CCNJL: variants seen among roughly 807,000 people sequenced by gnomAD.
The protein encoded by CCNJL is cyclin-J-like protein.
A neutral mutation model predicts 33.4 loss-of-function variants in CCNJL; 33 were observed. The ratio of observed to expected loss-of-function variants is 0.99; its 90% CI spans 0.75 to 1.32. The LOEUF (loss-of-function observed/expected upper bound fraction) is 1.32, where lower values mean the gene tolerates loss of function less well. CCNJL is among the 40% of genes most tolerant of loss of function. The pLI is 0.00. For synonymous variants in CCNJL, 227 were observed against 220.9 expected (o/e 1.03, Z -0.24); for missense variants, 512 against 499.7 (o/e 1.02, Z -0.23).
chr5:160,295,867 G>A (rs1862437), intron 2 of CCNJL, among the ~76,000 whole-genome samples: 22,587 of 152,152 alleles, frequency 0.15, 1,784 homozygotes, highest in African/African-American at 0.2. Flanking sequence ...TTTGTGGCAC[G>A]TTGTCACAGT....
chr5:160,320,351 A>T (rs1403370225), intron 1 of CCNJL, among the ~76,000 whole-genome samples: 1 of 151,892 alleles, frequency 6.6e-6, no homozygotes, highest in Non-Finnish European at 1.5e-5. Context: ...CTGTGAAAGG[A>T]GGGGGTGGGA....
At chr5:160,275,539 C>T (rs2113326919) in intron 3 of CCNJL, among the ~76,000 whole-genome samples, 1 of 152,142 alleles carries the variant, frequency 6.6e-6, no homozygotes, top group African/African-American at 2.4e-5. Context: ...GGCTGGAGTG[C>T]AGTGTCAAGA....
intron 2 of CCNJL, among the ~76,000 whole-genome samples, chr5:160,308,260 T>C (rs1183109796): frequency 6.6e-6 from 1 of 152,198 alleles, no homozygotes. Flanking sequence ...GTTATCTCAC[T>C]TAATCTTAAC....
Position 160,324,627 on chromosome 5 carries a change from G to GTCTGTCTATCTATCTATCTATCTA in CCNJL, n.207-9123_207-9122insTAGATAGATAGATAGATAGACAGA, listed in dbSNP as rs140137170. ...CAAAAACACACACAAAAAACTGTCT[G>GTCTGTCTATCTATCTATCTATCTA]TCTATCTATCTATCTATAATAAATA... On this transcript the variant is annotated intron_variant and non_coding_transcript_variant, in intron 1 of 7. Coordinates refer to the CCNJL transcript ENST00000377503. 2.5e-3 allele frequency among the ~76,000 whole-genome samples: 379 copies of GTCTGTCTATCTATCTATCTATCTA among 151,686 alleles called. 3 individuals are homozygous for GTCTGTCTATCTATCTATCTATCTA. Among genetic ancestry groups the GTCTGTCTATCTATCTATCTATCTA allele is most frequent in the African/African-American group, 8.6e-3 (356 of 41,314 alleles).
At chr5:160,282,978 T>TATATATATATAC (rs1561791095) in intron 2 of CCNJL, among the ~76,000 whole-genome samples, 6 of 58,752 alleles carry the variant, frequency 1.0e-4, no homozygotes, top group East Asian at 1.1e-3. Flanking sequence ...TATATATATA[T>TATATATATATAC]ATATATATAT....
At position 160,263,161 on chromosome 5, in the gene CCNJL, T is replaced by G. The variant is rs1040011017; in HGVS notation, c.281-3390A>C. ...CCATGTGTGCTCTGTCTAGGTGTAT[T>G]CTGTCTGTAAATACTGGTTTTGTTA... On this transcript the variant is annotated intron_variant, in intron 3 of 5. Coordinates refer to ENST00000257536, the MANE Select transcript of CCNJL (RefSeq NM_001308173.3). 2.0e-5 allele frequency among the ~76,000 whole-genome samples: 3 copies of G among 152,226 alleles called. No individual in the cohort carries two copies. The East Asian group carries it at 5.8e-4, about 29-fold the overall frequency.
In CCNJL at chr5:160,253,681, G is replaced by A. The variant is rs779422643; in HGVS notation, c.861C>T (p.Ala287=). The change falls in exon 6 of 6, where the codon GCC becomes GCT. Residue 287 remains alanine, a synonymous_variant. Transcript: ENST00000257536. The part of the protein sequence containing the change: ...QVLFQPPAYP[A]LGQPATTLAQ... ...CCAGGGTGGTCGCTGGCTGGCCGAG[G>A]GCCGGGTAGGCTGGTGGCTGGAACA... 6 of 1,608,150 alleles carry A rather than the reference G, an allele frequency of 3.7e-6. 1 individual carries two copies. The Admixed American group carries it at 8.4e-5, about 22-fold the overall frequency.
At chr5:160,339,358 A>C (rs1763721689) in intron 1 of CCNJL, 1 of 314,436 alleles carries the variant, frequency 3.2e-6, no homozygotes, top group East Asian at 7.9e-5. Context: ...AACATGCAAA[A>C]CAAAAAAAAA....
intron 2 of CCNJL, among the ~76,000 whole-genome samples, chr5:160,288,493 T>C (rs1362802015): frequency 6.6e-6 from 1 of 152,178 alleles, no homozygotes; most frequent in Non-Finnish European, 1.5e-5. Context: ...GCAAAGCCCC[T>C]TCCAGAAGGA....
exon 1 of CCNJL, chr5:160,312,542 CCCGCCGCGGCTCGCAGGCTCCCGG>C (rs1182100412): frequency 6.6e-6 from 1 of 151,634 alleles, no homozygotes; most frequent in Non-Finnish European, 1.5e-5. Context: ...GCGCTCGGGT[CCCGCCGCGGCTCGCAGGCTCCCGG>C]CCGCCGGGGG....
chr5:160,265,634 CA>C (rs113307230), intron 3 of CCNJL, among the ~76,000 whole-genome samples: 14 of 144,024 alleles, frequency 9.7e-5, no homozygotes, highest in Non-Finnish European at 7.6e-5. Context: ...GACTCCATCT[CA>C]AAAAAAAAAG....
rs371755954 is a variant in CCNJL at position 160,303,291 on chromosome 5, C to T, written c.66+8567G>A. The stretch of plus-strand genomic sequence containing the variant: ...TGCAATCTCGGCTCACTGCAACCTC[C>T]GTCTCCCGGGTTCAAGCGATTCTCC... On this transcript the variant is annotated intron_variant, in intron 2 of 5. Coordinates refer to ENST00000257536, the MANE Select transcript of CCNJL (RefSeq NM_001308173.3). Among the ~76,000 whole-genome samples, 39 of 152,106 alleles carry T rather than the reference C, an allele frequency of 2.6e-4. 2 individuals carry two copies. Among genetic ancestry groups the T allele is most frequent in the Admixed American group, 1.8e-3 (28 of 15,278 alleles).
intron 3 of CCNJL, among the ~76,000 whole-genome samples, chr5:160,272,138 C>T (rs963855384): frequency 5.3e-5 from 8 of 152,224 alleles, no homozygotes; most frequent in African/African-American, 1.9e-4. Context: ...GCAGCATATT[C>T]ATTCATCCTT....
intron 2 of CCNJL, among the ~76,000 whole-genome samples, chr5:160,299,003 G>T (rs1366203198): frequency 6.6e-6 from 1 of 152,054 alleles, no homozygotes; most frequent in Non-Finnish European, 1.5e-5. Flanking sequence ...TTTTGAGACA[G>T]AGTCTTGATC....
intron 2 of CCNJL, among the ~76,000 whole-genome samples, chr5:160,301,949 C>T (rs1377138217): frequency 6.6e-6 from 1 of 151,824 alleles, no homozygotes; most frequent in African/African-American, 2.4e-5. Flanking sequence ...AGGCAGGTCT[C>T]GAACTCCTGG....
chr5:160,280,661 C>G lies in CCNJL; in HGVS notation c.144G>C (p.Leu48=). Residue 48 remains leucine, a synonymous_variant, in exon 3 of 6, where the codon CTG becomes CTC. Transcript: ENST00000257536. ...GGCAGAGCTGGCAGTGGCTGCTCAG[C>G]AGGGTCAGGATGTCCACGAAGAACC... is the stretch of plus-strand genomic sequence containing the variant. ...SRRFFVDILT[L]LSSHCQLCPA... The G allele has an allele frequency of 6.2e-7, 1 of 1,613,506 alleles. No homozygotes were observed. Among genetic ancestry groups the G allele is most frequent in the South Asian group, 1.1e-5 (1 of 91,082 alleles).
At chr5:160,269,505 G>C (rs1761745670) in intron 3 of CCNJL, 1 of 456,390 alleles carries the variant, frequency 2.2e-6, no homozygotes, top group African/African-American at 2.0e-5. Context: ...CTGCTGCGCT[G>C]AACGTGTGGG....
rs368260417 is a variant in CCNJL, at chr5:160,259,540, G to A, written c.512C>T (p.Thr171Ile). The change falls in exon 4 of 6, where the codon ACC becomes ATC. Residue 171 changes from threonine (T) to isoleucine (I), a missense_variant. Coordinates refer to ENST00000257536, the MANE Select transcript of CCNJL (RefSeq NM_001308173.3). ...QKDHHCHTWP[T>I]TCPRKTKECL... is the part of the protein sequence containing the mutation. ...CTCTTTGGTCTTGCGGGGGCAGGTG[G>A]TGGGCCAGGTGTGGCAGTGGTGGTC... 1 of 1,614,194 alleles carries A rather than the reference G, an allele frequency of 6.2e-7. No individual in the cohort carries two copies. The highest frequency in any genetic ancestry group is 8.5e-7 in the Non-Finnish European group (1 of 1,180,024).
intron 2 of CCNJL, among the ~76,000 whole-genome samples, chr5:160,298,922 G>A (rs991618260): frequency 1.3e-5 from 2 of 152,156 alleles, no homozygotes; most frequent in Non-Finnish European, 2.9e-5. Context: ...TTTTCAGGCA[G>A]GGTAGGGGAC....
Sources: allele counts gnomAD v4.1 joint callset (sites outside exome capture counted in the v4.1 genomes callset), GRCh38; gene constraint gnomAD v4.1.1; transcripts MANE v1.5; gene names NCBI Gene and HGNC (gene_info 2026-07-23, HGNC 2026-07-21).